The following CFAP70 variants were observed in gnomAD, a reference collection of about 807,000 sequenced individuals.
CFAP70 encodes the protein cilia- and flagella-associated protein 70.
In CFAP70, 81 loss-of-function variants were observed where a neutral mutation model predicts 137.6. The observed-to-expected ratio is 0.59, with a 90% CI of 0.49 to 0.71. CFAP70 has a LOEUF of 0.71. CFAP70 is among the 30% of genes least tolerant of loss of function. The pLI is 0.00. For missense variants in CFAP70, 976 were observed against 1,226.7 expected (o/e 0.80, Z 3.05); for synonymous variants, 382 against 423.6 (o/e 0.90, Z 1.20).
intron 5 of CFAP70, among the ~76,000 whole-genome samples, chr10:73,344,750 G>A (rs1315381578): frequency 5.9e-5 from 9 of 152,166 alleles, no homozygotes; most frequent in Non-Finnish European, 1.3e-4. Flanking sequence ...AATAAAGCAC[G>A]TTGCACAAAA....
chr10:73,354,853 C>A lies in CFAP70; in HGVS notation c.-39-18G>T. ...TTTGGTCTCTGTAAACAGAATGAAT[C>A]AACCTGTCCCCTCATGTACCACAGC... On this transcript the variant is annotated intron_variant, in intron 1 of 26. Coordinates refer to ENST00000310715, the Ensembl canonical transcript of CFAP70. 1 of 1,463,732 alleles carries A rather than the reference C, an allele frequency of 6.8e-7. No individual in the cohort carries two copies. Among genetic ancestry groups the A allele is most frequent in the South Asian group, 1.1e-5 (1 of 87,098 alleles). The allele number at this position is 1,463,732 out of a possible 1,614,324, so 90.7% of individuals were successfully genotyped here. A position where few individuals can be genotyped will look rare whatever the true frequency, so the allele number is the denominator to read the frequency against.
chr10:73,276,408 T>C (rs1445279866), intron 21 of CFAP70: 1 of 152,200 alleles, frequency 6.6e-6, no homozygotes, highest in African/African-American at 2.4e-5. Context: ...AGGAGAATAC[T>C]AGAGGGAACA....
At chr10:73,302,883 C>CTTTTT (rs1554895440) in intron 12 of CFAP70, among the ~76,000 whole-genome samples, 116 of 130,932 alleles carry the variant, frequency 8.9e-4, no homozygotes, top group African/African-American at 2.5e-3. Context: ...CTTTTCTTTT[C>CTTTTT]TTTTTTTTTT....
At chr10:73,285,817 TAG>T (rs2047658665) in intron 19 of CFAP70, among the ~76,000 whole-genome samples, 1 of 151,960 alleles carries the variant, frequency 6.6e-6, no homozygotes, top group Non-Finnish European at 1.5e-5. Flanking sequence ...ATATTTTTAG[TAG>T]AGATGGGGTT....
intron 14 of CFAP70, 48 bp from the exon 16 acceptor site, chr10:73,297,221 G>A: frequency 1.9e-6 from 3 of 1,577,292 alleles, no homozygotes; most frequent in Non-Finnish European, 2.6e-6. Context: ...CCAGCACCAT[G>A]CTGAGAGCAC....
intron 7 of CFAP70, among the ~76,000 whole-genome samples, 197 bp from the exon 9 acceptor site, chr10:73,331,473 G>A (rs1416045621): frequency 6.6e-6 from 1 of 152,110 alleles, no homozygotes; most frequent in Non-Finnish European, 1.5e-5. Flanking sequence ...TTGAACCCAG[G>A]TGTTTGAGAT....
At chr10:73,280,765 C>T (rs2047196991) in intron 19 of CFAP70, among the ~76,000 whole-genome samples, 2 of 151,728 alleles carry the variant, frequency 1.3e-5, no homozygotes, top group South Asian at 2.1e-4. Flanking sequence ...TCAGTGATGT[C>T]CTCTCTCTCA....
chr10:73,361,387 G>A (rs2055002839), upstream of CFAP70, among the ~76,000 whole-genome samples: 1 of 150,450 alleles, frequency 6.6e-6, no homozygotes, highest in South Asian at 2.1e-4. Flanking sequence ...CTGCCTCCCG[G>A]GTTCAAGTGA....
intron 8 of CFAP70, among the ~76,000 whole-genome samples, chr10:73,327,794 C>T (rs894724368): frequency 2.6e-5 from 4 of 152,002 alleles, no homozygotes; most frequent in Non-Finnish European, 5.9e-5. Context: ...ATGTGAAGGA[C>T]CTCTTCAAGG....
At chr10:73,274,624 G>A (rs1038404058) in intron 22 of CFAP70, 30 bp from the exon 24 acceptor site, 11 of 1,571,024 alleles carry the variant, frequency 7.0e-6, no homozygotes, top group South Asian at 3.5e-5. Flanking sequence ...GTAGTATATG[G>A]GATAAGGTAG....
chr10:73,285,485 CCACTGAGGGCAACCAGA>C (rs2047617186), intron 19 of CFAP70, among the ~76,000 whole-genome samples: 1 of 152,082 alleles, frequency 6.6e-6, no homozygotes. Flanking sequence ...GACCAATTTC[CCACTGAGGGCAACCAGA>C]AAAGGTGAAC....
Position 73,275,465 on chromosome 10 carries a change from G to C in CFAP70, c.2654C>G (p.Ala885Gly). Residue 885 changes from alanine (A) to glycine (G), a missense_variant, in exon 22 of 27, where the codon GCA (alanine) becomes GGA (glycine). Physicochemically the swap from Ala to Gly is moderately conservative, Grantham distance 60. Transcript: ENST00000310715. The surrounding 1 kb of genome is among the most constrained non-coding windows in gnomAD (Gnocchi z 4.0). ...CATTACCAGGTAGTCCATCTGGGCT[G>C]CTTGTTGAAGGTATTCCTCTGCCTT... is the stretch of plus-strand genomic sequence containing the variant. 6.2e-7 allele frequency: 1 copy of C among 1,606,792 alleles called. No individual in the cohort carries two copies. Among genetic ancestry groups the C allele is most frequent in the Non-Finnish European group, 8.5e-7 (1 of 1,177,376 alleles).
chr10:73,349,621 G>A (rs193198233), intron 3 of CFAP70, among the ~76,000 whole-genome samples: 1 of 152,188 alleles, frequency 6.6e-6, no homozygotes, highest in Admixed American at 6.5e-5. Context: ...CATAAGGCTT[G>A]ACACATTTTG....
At chr10:73,293,216 A>G (rs777625155) in intron 16 of CFAP70, 47 bp downstream of exon 17, 4 of 1,560,268 alleles carry the variant, frequency 2.6e-6, no homozygotes, top group South Asian at 1.2e-5. Context: ...TATTATGCCC[A>G]TATTTCACAA....
intron 12 of CFAP70, among the ~76,000 whole-genome samples, chr10:73,308,156 A>AAAAG (rs562839976): frequency 5.8e-4 from 88 of 152,130 alleles, no homozygotes; most frequent in African/African-American, 1.4e-3. Flanking sequence ...CTCTATCTAA[A>AAAAG]AAAGAAAGAA....
chr10:73,351,001 ATGTGTG>A (rs1204970181), intron 3 of CFAP70, among the ~76,000 whole-genome samples: 7 of 131,250 alleles, frequency 5.3e-5, no homozygotes, highest in African/African-American at 2.1e-4. Context: ...ATGTGTGTAT[ATGTGTG>A]TATGTGTGTG....
chr10:73,362,024 TAA>T (rs2055028516), upstream of CFAP70, among the ~76,000 whole-genome samples: 1 of 152,248 alleles, frequency 6.6e-6, no homozygotes, highest in Admixed American at 6.5e-5. Flanking sequence ...AAGACAGTAA[TAA>T]AGACATAAAG....
At chr10:73,348,906 T>A (rs778910606) in intron 3 of CFAP70, among the ~76,000 whole-genome samples, 3 of 151,520 alleles carry the variant, frequency 2.0e-5, no homozygotes, top group Non-Finnish European at 4.4e-5. Context: ...CTACTAAAAA[T>A]ACAAAATTAG....
chr10:73,276,894 A>G (rs1262766797), intron 21 of CFAP70: 4 of 170,668 alleles, frequency 2.3e-5, no homozygotes, highest in African/African-American at 4.8e-5. Flanking sequence ...TTCTAGTTGG[A>G]TCTAACCTAG....
Sources: allele counts gnomAD v4.1 joint callset (sites outside exome capture counted in the v4.1 genomes callset), GRCh38; gene constraint gnomAD v4.1.1; non-coding constraint Gnocchi (gnomAD v3.1); transcripts MANE v1.5; gene names NCBI Gene and HGNC (gene_info 2026-07-23, HGNC 2026-07-21).